RAPGEF1: variants seen among roughly 807,000 people sequenced by gnomAD.
RAPGEF1 encodes the protein Rap guanine nucleotide exchange factor 1.
In RAPGEF1, 33 loss-of-function variants were observed where a neutral mutation model predicts 143.3. The observed-to-expected ratio is 0.23, with a 90% CI of 0.17 to 0.31. RAPGEF1 has a LOEUF of 0.31. Ranked by LOEUF, RAPGEF1 falls within the 10% of genes least tolerant of loss-of-function variation. The pLI is 1.00. For synonymous variants in RAPGEF1, 629 were observed against 676.5 expected (o/e 0.93, Z 1.09); for missense variants, 1,199 against 1,645.4 (o/e 0.73, Z 4.69).
Position 131,626,250 on chromosome 9 carries a change from G to T in RAPGEF1, c.1374C>A (p.Asp458Glu). 1 of 1,613,950 alleles carries T rather than the reference G, an allele frequency of 6.2e-7. No individual in the cohort carries two copies. Among genetic ancestry groups the T allele is most frequent in the South Asian group, 1.1e-5 (1 of 91,070 alleles). The part of the protein sequence containing the change: ...QLPLGGHPQP[D>E]GPLAPGQQTD... ...TCTGCTGCCCTGGGGCCAGAGGTCCGTCTGGCTGGGGATGGCCGCCAAGAG... is the reference window on the plus strand; with the variant it reads ...TCTGCTGCCCTGGGGCCAGAGGTCCTTCTGGCTGGGGATGGCCGCCAAGAG... Residue 458 changes from aspartate (D) to glutamate (E), a missense_variant, in exon 10 of 27, where the codon GAC becomes GAA. By Grantham distance (45) the Asp-to-Glu change is conservative (BLOSUM62 2). Around this residue, in one of 6 missense-constraint regions of RAPGEF1, gnomAD observed 613 missense variants for 710.9 expected, o/e 0.86. Transcript: ENST00000683357.
intron 1 of RAPGEF1, among the ~76,000 whole-genome samples, chr9:131,689,281 ATC>A (rs1403260458): frequency 6.6e-6 from 1 of 152,188 alleles, no homozygotes; most frequent in African/African-American, 2.4e-5. Context: ...TCTTCTGAGA[ATC>A]TGTCTTTGGG....
chr9:131,629,996 G>C (rs779702324), intron 6 of RAPGEF1, among the ~76,000 whole-genome samples: 4 of 152,086 alleles, frequency 2.6e-5, no homozygotes, highest in Non-Finnish European at 4.4e-5. Flanking sequence ...GCACTGGTAT[G>C]TGTCACTGGA....
chr9:131,586,211 C>T lies in RAPGEF1; in HGVS notation c.3233+1525G>A, dbSNP rs1219946716. ...ACTCCGTCTCAAACACACACACACG[C>T]ACGCACACACACACACACACACCTG... On this transcript the variant is annotated intron_variant, in intron 22 of 26. Transcript: ENST00000683357. Among the ~76,000 whole-genome samples, 3 of 141,126 alleles carry T rather than the reference C, an allele frequency of 2.1e-5. No homozygotes were observed. In the East Asian group the frequency reaches 6.0e-4, roughly 28 times the overall value. 92.6% of individuals were successfully genotyped at this position (141,126 alleles called of 152,430 possible).
At chr9:131,622,539 C>G (rs1444141971) in intron 10 of RAPGEF1, among the ~76,000 whole-genome samples, 1 of 152,188 alleles carries the variant, frequency 6.6e-6, no homozygotes, top group East Asian at 1.9e-4. Context: ...CTGAGCCACA[C>G]TGGGGGTCCA....
intron 1 of RAPGEF1, among the ~76,000 whole-genome samples, chr9:131,696,579 T>C (rs970803691): frequency 4.2e-4 from 64 of 152,222 alleles, no homozygotes; most frequent in African/African-American, 1.5e-3. Context: ...AGAATCTATC[T>C]CCCAAGTGAG....
At chr9:131,602,944 A>G (rs1481023386) in intron 14 of RAPGEF1, among the ~76,000 whole-genome samples, 2 of 152,206 alleles carry the variant, frequency 1.3e-5, no homozygotes, top group African/African-American at 4.8e-5. Flanking sequence ...GTCACAGTGG[A>G]GGGAGAGAGC....
At chr9:131,657,697 G>A (rs894792285) in intron 1 of RAPGEF1, among the ~76,000 whole-genome samples, 1 of 152,114 alleles carries the variant, frequency 6.6e-6, no homozygotes, top group African/African-American at 2.4e-5. Context: ...CAGCCCCTGG[G>A]GCTGGTGACT....
chr9:131,592,606 T>G (rs1486264888), intron 17 of RAPGEF1, among the ~76,000 whole-genome samples: 3 of 152,146 alleles, frequency 2.0e-5, no homozygotes, highest in Non-Finnish European at 4.4e-5. Flanking sequence ...AGCCCTGGAT[T>G]AGACTCTGAG....
chr9:131,582,792 G>A, intron 24 of RAPGEF1, 90 bp from the exon 25 acceptor site: 1 of 1,176,354 alleles, frequency 8.5e-7, no homozygotes, highest in Non-Finnish European at 1.2e-6. Flanking sequence ...TCACTAACTG[G>A]AGGGTCAACC....
Position 131,730,563 on chromosome 9 carries a change from C to G in RAPGEF1, c.61+9207G>C, listed in dbSNP as rs533077861. On this transcript the variant is annotated intron_variant, in intron 1 of 26. Coordinates refer to ENST00000683357, the MANE Select transcript of RAPGEF1 (RefSeq NM_001377935.1). The stretch of plus-strand genomic sequence containing the variant: ...TACAAAAATTAGCCGGGCGTGGTGG[C>G]GGGCGCCTGTCATCCCAGCTACTTG... 3.3e-5 allele frequency among the ~76,000 whole-genome samples: 5 copies of G among 151,416 alleles called. No homozygotes were observed. In the South Asian group the frequency reaches 1.0e-3, roughly 32 times the overall value.
chr9:131,672,920 G>T (rs185194647), intron 1 of RAPGEF1, among the ~76,000 whole-genome samples: 19 of 152,326 alleles, frequency 1.2e-4, no homozygotes, highest in Admixed American at 1.0e-3. Flanking sequence ...CAGAGCACCA[G>T]TCAGCCAGTA....
At chr9:131,672,519 G>A (rs997727927) in intron 1 of RAPGEF1, among the ~76,000 whole-genome samples, 4 of 152,182 alleles carry the variant, frequency 2.6e-5, no homozygotes, top group African/African-American at 9.7e-5. Context: ...GGCTTCAACA[G>A]GTGGCCCTGC....
intron 1 of RAPGEF1, among the ~76,000 whole-genome samples, chr9:131,708,985 G>C (rs1019994565): frequency 7.9e-5 from 12 of 152,184 alleles, no homozygotes; most frequent in African/African-American, 2.4e-4. Flanking sequence ...CGCCTACCTT[G>C]GCCTCCCAAA....
intron 1 of RAPGEF1, among the ~76,000 whole-genome samples, chr9:131,695,823 G>T (rs1386145408): frequency 6.6e-6 from 1 of 152,204 alleles, no homozygotes; most frequent in East Asian, 1.9e-4. Flanking sequence ...AAACAGATTT[G>T]TTGACAAGTG....
chr9:131,598,064 A>G (rs1389260861), intron 16 of RAPGEF1, 135 bp downstream of exon 16: 2 of 724,642 alleles, frequency 2.8e-6, no homozygotes, highest in South Asian at 3.5e-5. Context: ...CCAGAGGCTC[A>G]CCAGGGGCAT....
Position 131,650,259 on chromosome 9 carries a change from C to A in RAPGEF1, c.202-17G>T. The A allele has an allele frequency of 6.3e-7, 1 of 1,579,762 alleles. No individual in the cohort carries two copies. The highest frequency in any genetic ancestry group is 8.7e-7 in the Non-Finnish European group (1 of 1,151,248). On this transcript the variant is annotated splice_polypyrimidine_tract_variant and intron_variant, in intron 2 of 26. Coordinates refer to ENST00000683357, the MANE Select transcript of RAPGEF1 (RefSeq NM_001377935.1). This position sits in a 1 kb window ranked among gnomAD's most constrained non-coding sequence, Gnocchi z 4.7. ...TGTTGCCTCCTGGAAGAGAGGAAAC[C>A]TGGATTCCTACAGAGTTTGAAATGG...
intron 1 of RAPGEF1, among the ~76,000 whole-genome samples, chr9:131,702,924 T>C (rs1174643880): frequency 6.6e-6 from 1 of 152,230 alleles, no homozygotes; most frequent in East Asian, 1.9e-4. Context: ...ATTATTTGCA[T>C]ACGATGACAA....
intron 10 of RAPGEF1, among the ~76,000 whole-genome samples, 156 bp downstream of exon 10, chr9:131,625,766 A>C (rs1962817367): frequency 6.6e-6 from 1 of 152,220 alleles, no homozygotes; most frequent in African/African-American, 2.4e-5. Flanking sequence ...TGTAATGACA[A>C]AACCTGGCTC....
At chr9:131,689,819 C>T (rs762227982) in intron 1 of RAPGEF1, among the ~76,000 whole-genome samples, 8 of 152,084 alleles carry the variant, frequency 5.3e-5, no homozygotes, top group South Asian at 2.1e-4. Flanking sequence ...ATTACAGGCG[C>T]GAGCCACCGC....
Sources: gnomAD v4.1 joint callset for allele counts (sites outside exome capture counted in the v4.1 genomes callset) on GRCh38, gnomAD v4.1.1 for gene constraint, gnomAD v4.1.1 regional missense constraint, Gnocchi (gnomAD v3.1) non-coding constraint, MANE v1.5 for transcripts, NCBI Gene and HGNC (gene_info 2026-07-23, HGNC 2026-07-21) for gene names.